TBC1D22A: variants seen among roughly 807,000 people sequenced by gnomAD.
The protein encoded by TBC1D22A is TBC1 domain family member 22A.
A neutral mutation model predicts 60.2 loss-of-function variants in TBC1D22A; 38 were observed. That is an observed-to-expected ratio of 0.63 (90% CI 0.49 to 0.83). The LOEUF (loss-of-function observed/expected upper bound fraction) is 0.83. Ranked by LOEUF, TBC1D22A falls within the 40% of genes least tolerant of loss-of-function variation. TBC1D22A has a pLI of 0.00. For synonymous variants in TBC1D22A, 302 were observed against 281.7 expected, an observed-to-expected ratio of 1.07 and a Z score of -0.72; for missense variants, 628 against 701.0, an observed-to-expected ratio of 0.90 and a Z score of 1.18.
chr22:47,165,935 G>C (rs1045133924), intron 12 of TBC1D22A, among the ~76,000 whole-genome samples: 1 of 152,184 alleles, frequency 6.6e-6, no homozygotes, highest in Non-Finnish European at 1.5e-5. Flanking sequence ...TGCTCCCCGC[G>C]TCGCATGTCA....
chr22:46,830,761 TA>T (rs2086273381), intron 4 of TBC1D22A, among the ~76,000 whole-genome samples: 1 of 152,228 alleles, frequency 6.6e-6, no homozygotes, highest in Non-Finnish European at 1.5e-5. Context: ...ATCCTATTTA[TA>T]ATTTTTAGAA....
At chr22:46,904,113 AT>A (rs1569199303) in intron 7 of TBC1D22A, among the ~76,000 whole-genome samples, 31 of 67,690 alleles carry the variant, frequency 4.6e-4, no homozygotes, top group African/African-American at 2.0e-3. Flanking sequence ...CTATCTATCT[AT>A]CTATCTATCT....
intron 12 of TBC1D22A, among the ~76,000 whole-genome samples, chr22:47,138,824 C>T (rs1051843607): frequency 6.6e-6 from 1 of 152,144 alleles, no homozygotes; most frequent in African/African-American, 2.4e-5. Context: ...TCTGCCATGT[C>T]CTCACACGGT....
In TBC1D22A at chr22:46,960,888, A is replaced by C. The variant is rs993468029; in HGVS notation, c.1016-13402A>C. 3.4e-5 allele frequency among the ~76,000 whole-genome samples: 5 copies of C among 145,198 alleles called. No individual in the cohort carries two copies. The Admixed American group carries it at 3.6e-4, about 10-fold the overall frequency. On this transcript the variant is annotated intron_variant, in intron 8 of 12. Transcript: ENST00000337137. The stretch of plus-strand genomic sequence containing the variant: ...CGTGAACCCAGGAGGCGGAGCTTGC[A>C]GTGAGCCAGTGAGCCGAGACTGTGC...
At chr22:47,124,922 A>T (rs2036306204) in intron 12 of TBC1D22A, among the ~76,000 whole-genome samples, 1 of 151,936 alleles carries the variant, frequency 6.6e-6, no homozygotes, top group South Asian at 2.1e-4. Flanking sequence ...GTGCCTGCAG[A>T]GATTGGGCCA....
chr22:47,059,214 G>C (rs766483490), intron 11 of TBC1D22A, among the ~76,000 whole-genome samples: 2 of 152,196 alleles, frequency 1.3e-5, no homozygotes, highest in African/African-American at 2.4e-5. Flanking sequence ...CGCCTCCACT[G>C]TCTGGCACCT....
At chr22:47,040,008 G>T (rs112862214) in intron 11 of TBC1D22A, among the ~76,000 whole-genome samples, 8,610 of 142,350 alleles carry the variant, frequency 0.06, 499 homozygotes, top group African/African-American at 0.15. Context: ...GCAGTGGTGC[G>T]ATCTCGGCCC....
At chr22:46,933,746 G>C (rs1047776736) in intron 8 of TBC1D22A, among the ~76,000 whole-genome samples, 1 of 152,240 alleles carries the variant, frequency 6.6e-6, no homozygotes, top group African/African-American at 2.4e-5. Context: ...TGGCCCCTGA[G>C]CACGGGAAAT....
intron 11 of TBC1D22A, among the ~76,000 whole-genome samples, chr22:47,045,290 C>T (rs1445380645): frequency 6.6e-6 from 1 of 152,174 alleles, no homozygotes; most frequent in Non-Finnish European, 1.5e-5. Flanking sequence ...TGATGCAGAG[C>T]CACGGTCACG....
At chr22:46,896,729 T>A (rs2068698414) in intron 7 of TBC1D22A, among the ~76,000 whole-genome samples, 1 of 152,228 alleles carries the variant, frequency 6.6e-6, no homozygotes, top group East Asian at 1.9e-4. Context: ...TAATTTAGCT[T>A]CATGACGTCC....
chr22:47,010,310 G>T (rs542525557), intron 10 of TBC1D22A, among the ~76,000 whole-genome samples: 4 of 152,168 alleles, frequency 2.6e-5, no homozygotes, highest in South Asian at 2.1e-4. Context: ...GCGCAGCCAG[G>T]CCGGGGAACA....
intron 11 of TBC1D22A, among the ~76,000 whole-genome samples, chr22:47,088,126 G>A (rs1236142275): frequency 6.6e-6 from 1 of 151,960 alleles, no homozygotes; most frequent in Non-Finnish European, 1.5e-5. Flanking sequence ...AATATGAACT[G>A]TTGGTGGATT....
At chr22:46,763,397 T>G (rs1049171401) in intron 1 of TBC1D22A, 2 of 15,528 alleles carry the variant, frequency 1.3e-4, no homozygotes, top group Non-Finnish European at 1.3e-4. Flanking sequence ...GCAGGAAGTT[T>G]TTTTTTTTTT....
intron 10 of TBC1D22A, among the ~76,000 whole-genome samples, chr22:47,027,099 A>T (rs1254220771): frequency 2.6e-5 from 4 of 152,250 alleles, no homozygotes; most frequent in African/African-American, 9.6e-5. Context: ...AGTGCTGAGA[A>T]ATGGAACCGT....
chr22:47,074,937 C>G (rs1169588688), intron 11 of TBC1D22A, among the ~76,000 whole-genome samples: 1 of 152,252 alleles, frequency 6.6e-6, no homozygotes, highest in Middle Eastern at 3.4e-3. Context: ...AATAGAGAAC[C>G]AAAGGGCCAG....
At chr22:47,162,489 A>G (rs1313859790) in intron 12 of TBC1D22A, among the ~76,000 whole-genome samples, 1 of 152,160 alleles carries the variant, frequency 6.6e-6, no homozygotes, top group Non-Finnish European at 1.5e-5. Flanking sequence ...ACATGTAGCC[A>G]TTGGCCTCGG....
At chr22:46,989,795 A>AAT (rs1215192766) in intron 9 of TBC1D22A, among the ~76,000 whole-genome samples, 5 of 148,578 alleles carry the variant, frequency 3.4e-5, no homozygotes, top group East Asian at 4.0e-4. Context: ...ACAATAAATA[A>AAT]ATATATATAT....
intron 4 of TBC1D22A, among the ~76,000 whole-genome samples, chr22:46,867,329 G>T (rs901015294): frequency 7.2e-5 from 11 of 152,152 alleles, no homozygotes; most frequent in African/African-American, 2.7e-4. Context: ...CACAACCTCT[G>T]GCACAACCTC....
intron 1 of TBC1D22A, among the ~76,000 whole-genome samples, chr22:46,767,316 C>A (rs1437915332): frequency 1.3e-5 from 2 of 152,172 alleles, no homozygotes; most frequent in Non-Finnish European, 2.9e-5. Flanking sequence ...GTATCTGTAG[C>A]ACAAAGCGGT....
Sources: gnomAD v4.1 joint callset for allele counts (sites outside exome capture counted in the v4.1 genomes callset) on GRCh38, gnomAD v4.1.1 for gene constraint, MANE v1.5 for transcripts, NCBI Gene and HGNC (gene_info 2026-07-23, HGNC 2026-07-21) for gene names.